SLC44A5: variants seen among roughly 807,000 people sequenced by gnomAD.
The protein encoded by SLC44A5 is solute carrier family 44 member 5, also known as choline transporter-like protein 5.
In SLC44A5, 57 loss-of-function variants were observed where a neutral mutation model predicts 101.8. The ratio of observed to expected loss-of-function variants is 0.56; its 90% CI spans 0.45 to 0.70. The LOEUF is 0.70. Among genes scored for constraint, SLC44A5 ranks in the 30% least tolerant of loss-of-function variants. The pLI is 0.00. For synonymous variants in SLC44A5, 281 were observed against 290.9 expected (o/e 0.97, Z 0.35); for missense variants, 737 against 853.1 (o/e 0.86, Z 1.70).
the SLC44A5 span, among the ~76,000 whole-genome samples, chr1:75,705,419 C>T: frequency 2.0e-5 from 3 of 152,130 alleles, no homozygotes; most frequent in Non-Finnish European, 4.4e-5. Context: ...GAGCTTGAGG[C>T]AGTGTGGTTG....
chr1:75,714,770 G>C, the SLC44A5 span, among the ~76,000 whole-genome samples: 1 of 143,020 alleles, frequency 7.0e-6, no homozygotes. Context: ...TCCACCTCCT[G>C]GGTTCAAGCA....
chr1:75,324,439 A>G (rs1656417357), intron 4 of SLC44A5, among the ~76,000 whole-genome samples: 1 of 152,244 alleles, frequency 6.6e-6, no homozygotes, highest in African/African-American at 2.4e-5. Flanking sequence ...CAAAGCATAG[A>G]GAAATGAAAA....
At chr1:75,219,770 G>A (rs1433028973) in intron 15 of SLC44A5, 30 bp downstream of exon 15, 4 of 1,430,882 alleles carry the variant, frequency 2.8e-6, no homozygotes, top group Admixed American at 1.7e-5. Context: ...GTGAACCTGA[G>A]GTTTAAAGAG....
intron 2 of SLC44A5, among the ~76,000 whole-genome samples, chr1:75,479,569 A>G (rs1296992650): frequency 6.6e-6 from 1 of 152,244 alleles, no homozygotes; most frequent in Admixed American, 6.5e-5. Flanking sequence ...TAAAGGGGAT[A>G]TCACCACTGA....
chr1:75,614,866 T>C (rs756907626), upstream of SLC44A5, among the ~76,000 whole-genome samples: 1 of 152,032 alleles, frequency 6.6e-6, no homozygotes, highest in African/African-American at 2.4e-5. Flanking sequence ...TCCACCTCTC[T>C]GCAGTGCTGC....
intron 3 of SLC44A5, among the ~76,000 whole-genome samples, chr1:75,374,027 G>C (rs1032718869): frequency 2.6e-5 from 4 of 152,256 alleles, no homozygotes; most frequent in Middle Eastern, 3.4e-3. Flanking sequence ...GTCCAGAAAG[G>C]GTGTAGCCTG....
At chr1:75,396,538 T>A (rs544275717) in intron 3 of SLC44A5, 45 bp downstream of exon 3, 6 of 1,441,118 alleles carry the variant, frequency 4.2e-6, no homozygotes, top group Admixed American at 1.7e-5. Context: ...ATGGATAGAC[T>A]GTCATGAAAG....
At chr1:75,426,449 T>C (rs745385249) in intron 2 of SLC44A5, among the ~76,000 whole-genome samples, 6 of 152,170 alleles carry the variant, frequency 3.9e-5, no homozygotes, top group Non-Finnish European at 7.3e-5. Context: ...ATGTCCTCTT[T>C]AAAAGCTACA....
chr1:75,339,768 A>C, intron 3 of SLC44A5, 138 bp from the exon 4 acceptor site: 1 of 629,970 alleles, frequency 1.6e-6, no homozygotes, highest in Non-Finnish European at 2.6e-6. Context: ...TTGATGAAAC[A>C]TAAGTATGTC....
intron 2 of SLC44A5, among the ~76,000 whole-genome samples, chr1:75,458,731 AT>A (rs1666329949): frequency 6.6e-6 from 1 of 152,210 alleles, no homozygotes; most frequent in South Asian, 2.1e-4. Flanking sequence ...ACTTTGCTTA[AT>A]TTATAGTATA....
At chr1:75,271,130 T>C (rs1389906519) in intron 6 of SLC44A5, among the ~76,000 whole-genome samples, 1 of 152,082 alleles carries the variant, frequency 6.6e-6, no homozygotes, top group Admixed American at 6.6e-5. Context: ...TAACAGGCAA[T>C]GAGGAGTCAA....
chr1:75,242,622 T>C (rs988529179), intron 8 of SLC44A5, among the ~76,000 whole-genome samples: 2 of 152,080 alleles, frequency 1.3e-5, no homozygotes, highest in African/African-American at 4.8e-5. Flanking sequence ...TCTATCCAAG[T>C]AGAGAATTTA....
chr1:75,488,175 T>C lies in SLC44A5; in HGVS notation c.13+53260A>G, dbSNP rs556144910. On this transcript the variant is annotated intron_variant, in intron 2 of 23. Coordinates refer to ENST00000370859, the MANE Select transcript of SLC44A5 (RefSeq NM_001130058.2). ...GTTCTATAATTATTTCATTATATGTTACAATGTAAAAATAGAAATGAAATG... is the reference window on the plus strand; with the variant it reads ...GTTCTATAATTATTTCATTATATGTCACAATGTAAAAATAGAAATGAAATG... Among the ~76,000 whole-genome samples, 3 of 152,340 alleles carry C rather than the reference T, an allele frequency of 2.0e-5. No individual in the cohort carries two copies. In the South Asian group the frequency reaches 6.2e-4, roughly 32 times the overall value.
chr1:75,437,596 G>C (rs1355565690), intron 2 of SLC44A5, among the ~76,000 whole-genome samples: 4 of 152,100 alleles, frequency 2.6e-5, no homozygotes, highest in Admixed American at 6.6e-5. Flanking sequence ...AGAATTTCAT[G>C]AAGAGTGGCT....
At chr1:75,406,787 G>A (rs1203639373) in intron 2 of SLC44A5, among the ~76,000 whole-genome samples, 3 of 152,220 alleles carry the variant, frequency 2.0e-5, no homozygotes, top group African/African-American at 4.8e-5. Context: ...CATTCCCTTT[G>A]AAAACCAGCA....
chr1:75,214,751 A>G, intron 19 of SLC44A5, 73 bp from the exon 20 acceptor site: 2 of 1,218,212 alleles, frequency 1.6e-6, no homozygotes, highest in South Asian at 2.7e-5. Context: ...ATCCAATGAC[A>G]GGAAGGTAAC....
chr1:75,390,085 A>T (rs1196063558), intron 3 of SLC44A5, among the ~76,000 whole-genome samples: 4 of 152,024 alleles, frequency 2.6e-5, no homozygotes, highest in African/African-American at 9.7e-5. Context: ...GGGTAAATTC[A>T]TAGTCTCCCA....
chr1:75,274,180 T>G (rs536251836), intron 6 of SLC44A5, among the ~76,000 whole-genome samples: 10 of 139,346 alleles, frequency 7.2e-5, no homozygotes, highest in Non-Finnish European at 1.1e-4. Flanking sequence ...TGCTTTGGGG[T>G]TTTTTTTTTA....
chr1:75,699,168 C>T, the SLC44A5 span, among the ~76,000 whole-genome samples: 1 of 152,006 alleles, frequency 6.6e-6, no homozygotes, highest in Non-Finnish European at 1.5e-5. Context: ...CAAAGATACT[C>T]CTCGAGAAGA....
Sources: gnomAD v4.1 joint callset for allele counts (sites outside exome capture counted in the v4.1 genomes callset) on GRCh38, gnomAD v4.1.1 for gene constraint, MANE v1.5 for transcripts, NCBI Gene and HGNC (gene_info 2026-07-23, HGNC 2026-07-21) for gene names.